MACROD1: variants seen among roughly 807,000 people sequenced by gnomAD.
The protein encoded by MACROD1 is mono-ADP ribosylhydrolase 1.
MACROD1 carries 31 observed loss-of-function variants against 41.4 expected under a neutral mutation model. That is an observed-to-expected ratio of 0.75 (90% CI 0.56 to 1.01). MACROD1 has a LOEUF of 1.01. MACROD1 is among the 50% of genes least tolerant of loss of function. The pLI, the probability that MACROD1 is intolerant of heterozygous loss-of-function variation, is 0.00. For synonymous variants in MACROD1, 252 were observed against 203.4 expected, an observed-to-expected ratio of 1.24 and a Z score of -2.03; for missense variants, 473 against 460.0, an observed-to-expected ratio of 1.03 and a Z score of -0.26.
chr11:64,151,091 G>A (rs573040293), intron 3 of MACROD1, 148 bp downstream of exon 3: 21 of 660,930 alleles, frequency 3.2e-5, no homozygotes, highest in African/African-American at 2.3e-4. Context: ...TGGCCGACAC[G>A]TTGGGCTGCC....
intron 3 of MACROD1, among the ~76,000 whole-genome samples, chr11:64,124,060 C>T (rs965698237): frequency 1.3e-5 from 2 of 152,188 alleles, no homozygotes; most frequent in African/African-American, 2.4e-5. Flanking sequence ...CCCTGAAAAC[C>T]CCAAGTCAGG....
chr11:64,088,089 G>C (rs1944426093), intron 3 of MACROD1, among the ~76,000 whole-genome samples: 1 of 152,150 alleles, frequency 6.6e-6, no homozygotes, highest in South Asian at 2.1e-4. Context: ...ATAGGCACTT[G>C]GCCCCTCTAT....
chr11:64,068,173 G>A (rs544147464), intron 3 of MACROD1, among the ~76,000 whole-genome samples: 5 of 152,338 alleles, frequency 3.3e-5, no homozygotes, highest in Non-Finnish European at 5.9e-5. Context: ...CAGGACTCAC[G>A]CTTCGGGAGT....
intron 3 of MACROD1, among the ~76,000 whole-genome samples, chr11:64,097,357 C>T (rs1944595464): frequency 6.6e-6 from 1 of 152,244 alleles, no homozygotes; most frequent in Non-Finnish European, 1.5e-5. Flanking sequence ...GAGCTGCCCA[C>T]ATGTGAAGGG....
chr11:64,038,004 G>A (rs986463701), intron 3 of MACROD1, among the ~76,000 whole-genome samples: 2 of 152,202 alleles, frequency 1.3e-5, no homozygotes, highest in African/African-American at 4.8e-5. Context: ...AGGGACTTCA[G>A]AGGGTCGGGG....
intron 3 of MACROD1, among the ~76,000 whole-genome samples, chr11:64,018,492 T>C (rs1338271485): frequency 3.3e-5 from 5 of 152,320 alleles, no homozygotes; most frequent in African/African-American, 1.2e-4. Flanking sequence ...CTAGGGAGGC[T>C]GTGCCAGCCA....
chr11:64,080,094 C>A (rs1944276372), intron 3 of MACROD1, among the ~76,000 whole-genome samples: 1 of 152,198 alleles, frequency 6.6e-6, no homozygotes, highest in Non-Finnish European at 1.5e-5. Context: ...TTCACTGCAA[C>A]CTCCGCCTCC....
At chr11:64,079,575 G>C (rs916533410) in intron 3 of MACROD1, among the ~76,000 whole-genome samples, 1 of 152,192 alleles carries the variant, frequency 6.6e-6, no homozygotes, top group Non-Finnish European at 1.5e-5. Flanking sequence ...GCACAGAGAG[G>C]AGTCCAGGGT....
chr11:64,079,738 G>A (rs1370684639), intron 3 of MACROD1, among the ~76,000 whole-genome samples: 1 of 152,064 alleles, frequency 6.6e-6, no homozygotes, highest in Non-Finnish European at 1.5e-5. Context: ...TGGGGCGCAC[G>A]CTCAGAGAAA....
Position 64,090,833 on chromosome 11 carries a change from G to T in MACROD1, c.517+60406C>A, listed in dbSNP as rs543255029. Among the ~76,000 whole-genome samples, 1 of 152,012 alleles carries T rather than the reference G, an allele frequency of 6.6e-6. No individual in the cohort carries two copies. Among genetic ancestry groups the T allele is most frequent in the Non-Finnish European group, 1.5e-5 (1 of 68,006 alleles). Reference sequence around the variant, plus strand: ...GCTCTGCAGAAGCAGAGCCCGAGTCGGGTCCAGCCCTGCACTCCCAGGGAG... The same window carrying T: ...GCTCTGCAGAAGCAGAGCCCGAGTCTGGTCCAGCCCTGCACTCCCAGGGAG... On this transcript the variant is annotated intron_variant, in intron 3 of 10. Transcript: ENST00000255681. This position sits in a 1 kb window ranked among gnomAD's most constrained non-coding sequence, Gnocchi z 4.7.
intron 3 of MACROD1, among the ~76,000 whole-genome samples, chr11:64,038,804 A>C (rs1943430771): frequency 6.6e-6 from 1 of 152,174 alleles, no homozygotes; most frequent in East Asian, 1.9e-4. Flanking sequence ...CTAGAATGCC[A>C]TCACAGGGTC....
intron 8 of MACROD1, 24 bp from the exon 9 acceptor site, chr11:63,999,060 G>T: frequency 6.3e-7 from 1 of 1,579,830 alleles, no homozygotes; most frequent in Admixed American, 1.8e-5. Flanking sequence ...TGCTCAGCCT[G>T]GGCCGAGCTG....
chr11:64,021,339 G>A (rs755705758), intron 3 of MACROD1, among the ~76,000 whole-genome samples: 1 of 152,192 alleles, frequency 6.6e-6, no homozygotes, highest in Non-Finnish European at 1.5e-5. Flanking sequence ...CCAGAGCCAC[G>A]AAGGTGCTCA....
At chr11:64,089,026 AAG>A (rs1296423452) in intron 3 of MACROD1, among the ~76,000 whole-genome samples, 1 of 149,938 alleles carries the variant, frequency 6.7e-6, no homozygotes, top group Non-Finnish European at 1.5e-5. Flanking sequence ...GGCCACTGAC[AAG>A]AGAGGGAAGC....
intron 3 of MACROD1, among the ~76,000 whole-genome samples, chr11:64,080,137 C>T (rs756583867): frequency 1.6e-4 from 24 of 152,270 alleles, no homozygotes; most frequent in Middle Eastern, 3.4e-3. Context: ...CTCAGCCTCC[C>T]GAGTAGCGGG....
At chr11:64,125,524 C>T (rs146061263) in intron 3 of MACROD1, among the ~76,000 whole-genome samples, 178 of 152,332 alleles carry the variant, frequency 1.2e-3, no homozygotes, top group Non-Finnish European at 2.3e-3. Flanking sequence ...GGCCCAGGCA[C>T]GAGTGTTGGC....
intron 3 of MACROD1, among the ~76,000 whole-genome samples, chr11:64,025,589 C>A (rs191012234): frequency 6.6e-6 from 1 of 152,320 alleles, no homozygotes; most frequent in East Asian, 1.9e-4. Context: ...TGCCCCTCAA[C>A]AAGGTAAGAT....
intron 3 of MACROD1, among the ~76,000 whole-genome samples, chr11:64,018,936 C>T (rs1317090363): frequency 3.9e-5 from 6 of 152,186 alleles, no homozygotes; most frequent in Admixed American, 1.3e-4. Context: ...CACTGGACTG[C>T]GAGTCCAAGC....
At chr11:64,141,292 C>T (rs1400931974) in intron 3 of MACROD1, among the ~76,000 whole-genome samples, 1 of 152,210 alleles carries the variant, frequency 6.6e-6, no homozygotes, top group Non-Finnish European at 1.5e-5. Flanking sequence ...CCAGGAAGCC[C>T]CAGGGTCAGG....
Sources: allele counts gnomAD v4.1 joint callset (sites outside exome capture counted in the v4.1 genomes callset), GRCh38; gene constraint gnomAD v4.1.1; non-coding constraint Gnocchi (gnomAD v3.1); transcripts MANE v1.5; gene names NCBI Gene and HGNC (gene_info 2026-07-23, HGNC 2026-07-21).